Variants in PIP4P2 observed in about 807,000 individuals in gnomAD.
PIP4P2 encodes type 2 phosphatidylinositol 4,5-bisphosphate 4-phosphatase.
In PIP4P2, 19 loss-of-function variants were observed where a neutral mutation model predicts 33.3. That is an observed-to-expected ratio of 0.57 (90% confidence interval 0.40 to 0.84). The LOEUF (loss-of-function observed/expected upper bound fraction) is 0.84. Ranked by LOEUF, PIP4P2 falls within the 40% of genes least tolerant of loss-of-function variation. The pLI, the probability that PIP4P2 is intolerant of heterozygous loss-of-function variation, is 0.00. For synonymous variants in PIP4P2, 110 were observed against 111.9 expected, an observed-to-expected ratio of 0.98 and a Z score of 0.11; for missense variants, 270 against 324.7, an observed-to-expected ratio of 0.83 and a Z score of 1.29.
At chr8:91,037,042 A>G (rs1443716308) in intron 1 of PIP4P2, among the ~76,000 whole-genome samples, 1 of 152,244 alleles carries the variant, frequency 6.6e-6, no homozygotes, top group Non-Finnish European at 1.5e-5. Context: ...GTACTTTACA[A>G]AAGACCAAGA....
At chr8:91,021,089 T>C (rs1239072336) in intron 2 of PIP4P2, among the ~76,000 whole-genome samples, 167 bp downstream of exon 2, 1 of 152,194 alleles carries the variant, frequency 6.6e-6, no homozygotes, top group Non-Finnish European at 1.5e-5. Context: ...TTAAACACAG[T>C]GAGGTATCCT....
intron 4 of PIP4P2, among the ~76,000 whole-genome samples, chr8:91,011,019 G>GAGATAGATAGAT (rs3084284): frequency 0.019 from 2,706 of 145,332 alleles, 30 homozygotes; most frequent in African/African-American, 0.033. Context: ...GTATCTTACT[G>GAGATAGATAGAT]AGATAGATAG....
intron 1 of PIP4P2, among the ~76,000 whole-genome samples, chr8:91,039,654 C>G (rs1812278762): frequency 6.6e-6 from 1 of 152,138 alleles, no homozygotes; most frequent in African/African-American, 2.4e-5. Context: ...GAGAGATGCA[C>G]TTAAGGAACA....
intron 5 of PIP4P2, among the ~76,000 whole-genome samples, chr8:91,006,488 A>T (rs1811765260): frequency 6.6e-6 from 1 of 152,154 alleles, no homozygotes; most frequent in Admixed American, 6.5e-5. Flanking sequence ...AAATATTGCC[A>T]TTGTACGAAA....
intron 5 of PIP4P2, among the ~76,000 whole-genome samples, chr8:91,001,388 C>T (rs1811697317): frequency 6.6e-6 from 1 of 151,814 alleles, no homozygotes; most frequent in South Asian, 2.1e-4. Flanking sequence ...CCTTTCTGCC[C>T]ATCCCGCACC....
chr8:91,021,363 C>T lies in PIP4P2; in HGVS notation c.148G>A (p.Ala50Thr), dbSNP rs142242144. Residue 50 changes from alanine (A) to threonine (T), a missense_variant, in exon 2 of 7, where the codon GCC (alanine) becomes ACC (threonine). Ala to Thr is a moderately conservative substitution (Grantham distance 58, BLOSUM62 0). Transcript: ENST00000285419. Reference protein sequence around the residue: ...PPYTAIASPDASGIPVINCRV... With the variant: ...PPYTAIASPDTSGIPVINCRV... Reference sequence around the variant, plus strand: ...CAGTTTATTACTGGAATACCACTGGCGTCTGGACTGGCAATGGCTGTATAT... The same window carrying T: ...CAGTTTATTACTGGAATACCACTGGTGTCTGGACTGGCAATGGCTGTATAT... The T allele has an allele frequency of 5.6e-6, 9 of 1,613,664 alleles. 1 individual carries two copies. The highest frequency in any genetic ancestry group is 3.3e-5 in the South Asian group (3 of 91,070).
intron 5 of PIP4P2, among the ~76,000 whole-genome samples, chr8:90,997,170 AAAAGG>A (rs1406919954): frequency 6.6e-6 from 1 of 152,126 alleles, no homozygotes; most frequent in African/African-American, 2.4e-5. Context: ...ACAATGAAGA[AAAAGG>A]AAAGAAAAAA....
chr8:90,999,396 G>T (rs1811673236), intron 5 of PIP4P2, among the ~76,000 whole-genome samples: 1 of 152,072 alleles, frequency 6.6e-6, no homozygotes, highest in South Asian at 2.1e-4. Context: ...TTGGTAGTCA[G>T]CTGTACTCCC....
rs57101473 is a variant in PIP4P2 at position 91,031,125 on chromosome 8, T to A, written c.106+9519A>T. Among the ~76,000 whole-genome samples, 872 of 152,320 alleles carry A rather than the reference T, an allele frequency of 5.7e-3. 7 individuals carry two copies. Among genetic ancestry groups the A allele is most frequent in the African/African-American group, 0.02 (825 of 41,580 alleles). On this transcript the variant is annotated intron_variant, in intron 1 of 6. Transcript: ENST00000285419. The stretch of plus-strand genomic sequence containing the variant: ...TTTTAATAATGACCTATGTCCTCAT[T>A]AAGGGATGGTAGCAAATCCAAATAC...
At position 91,018,469 on chromosome 8, in the gene PIP4P2, T is replaced by C; in HGVS notation, c.407A>G (p.Glu136Gly). ...NLGPVMLISEEQPAQPALPIQ... is the reference protein window; with the variant it reads ...NLGPVMLISEGQPAQPALPIQ... ...TGGCAATGCAGGCTGAGCTGGTTGT[T>C]CTTCAGAAATAAGCATTACTGGGCC... Residue 136 changes from glutamate (E) to glycine (G), a missense_variant, in exon 4 of 7, where the codon GAA becomes GGA. By Grantham distance (98) the Glu-to-Gly change is moderately conservative. Transcript: ENST00000285419. The C allele has an allele frequency of 6.2e-7, 1 of 1,614,028 alleles. No individual in the cohort carries two copies. Among genetic ancestry groups the C allele is most frequent in the Non-Finnish European group, 8.5e-7 (1 of 1,179,926 alleles).
chr8:91,040,110 T>C (rs779160010), intron 1 of PIP4P2, among the ~76,000 whole-genome samples: 7 of 152,154 alleles, frequency 4.6e-5, no homozygotes, highest in Non-Finnish European at 8.8e-5. Context: ...ATTAACTGTA[T>C]TCATTTTGGA....
At chr8:90,997,097 TTTACAGTTAAAA>T (rs1359654818) in intron 5 of PIP4P2, among the ~76,000 whole-genome samples, 4 of 152,116 alleles carry the variant, frequency 2.6e-5, no homozygotes, top group Non-Finnish European at 5.9e-5. Flanking sequence ...ATTTGATTTT[TTTACAGTTAAAA>T]GAGTATGTGT....
intron 1 of PIP4P2, among the ~76,000 whole-genome samples, chr8:91,022,108 A>AT (rs1448548202): frequency 6.6e-6 from 1 of 152,186 alleles, no homozygotes; most frequent in Admixed American, 6.6e-5. Flanking sequence ...AAAATGTAGT[A>AT]TGTGGGATTA....
At chr8:91,033,753 C>G (rs750834773) in intron 1 of PIP4P2, among the ~76,000 whole-genome samples, 37 of 152,092 alleles carry the variant, frequency 2.4e-4, no homozygotes, top group African/African-American at 5.3e-4. Flanking sequence ...TCACCATGCT[C>G]TAACCCACTG....
At chr8:90,996,200 A>G (rs1201557935) in intron 6 of PIP4P2, among the ~76,000 whole-genome samples, 1 of 152,166 alleles carries the variant, frequency 6.6e-6, no homozygotes, top group Non-Finnish European at 1.5e-5. Context: ...CATAATCCCC[A>G]TGCTAACTGC....
At chr8:90,996,478 C>A (rs1373460628) in intron 6 of PIP4P2, among the ~76,000 whole-genome samples, 176 bp downstream of exon 6, 1 of 151,870 alleles carries the variant, frequency 6.6e-6, no homozygotes, top group South Asian at 2.1e-4. Context: ...CGAGTTCAAT[C>A]AAAAAGAGGT....
At chr8:91,032,798 A>AG (rs1170390516) in intron 1 of PIP4P2, among the ~76,000 whole-genome samples, 1 of 149,654 alleles carries the variant, frequency 6.7e-6, no homozygotes, top group Non-Finnish European at 1.5e-5. Flanking sequence ...AAAAAAAAAA[A>AG]AAAGAAAGAA....
At chr8:91,022,285 G>C (rs1011513674) in intron 1 of PIP4P2, among the ~76,000 whole-genome samples, 2 of 152,138 alleles carry the variant, frequency 1.3e-5, no homozygotes, top group African/African-American at 4.8e-5. Flanking sequence ...CACACACACA[G>C]TGTTTTTTTT....
chr8:91,007,142 G>C (rs1426569517), intron 5 of PIP4P2, among the ~76,000 whole-genome samples: 3 of 152,074 alleles, frequency 2.0e-5, no homozygotes, highest in Non-Finnish European at 4.4e-5. Context: ...GGGGAGTATA[G>C]GTGTGTTCCT....
Sources: allele counts gnomAD v4.1 joint callset (sites outside exome capture counted in the v4.1 genomes callset), GRCh38; gene constraint gnomAD v4.1.1; transcripts MANE v1.5; gene names NCBI Gene and HGNC (gene_info 2026-07-23, HGNC 2026-07-21).